Variants in UNC79 observed in about 807,000 individuals in gnomAD.
UNC79 encodes unc-79 subunit of NALCN channel complex.
In UNC79, 37 loss-of-function variants were observed where a neutral mutation model predicts 283.1. That is an observed-to-expected ratio of 0.13 (90% CI 0.10 to 0.17). UNC79 has a LOEUF of 0.17. Among genes scored for constraint, UNC79 ranks in the 10% least tolerant of loss-of-function variants. The pLI is 1.00. For missense variants in UNC79, 2,272 were observed against 3,211.1 expected, an observed-to-expected ratio of 0.71 and a Z score of 7.07; for synonymous variants, 1,107 against 1,200.2, an observed-to-expected ratio of 0.92 and a Z score of 1.61.
chr14:93,677,450 C>T (rs1024478592), intron 41 of UNC79, among the ~76,000 whole-genome samples: 2 of 152,136 alleles, frequency 1.3e-5, no homozygotes, highest in African/African-American at 4.8e-5. Context: ...CAGGGGAACT[C>T]CCATTTATAA....
intron 30 of UNC79, among the ~76,000 whole-genome samples, chr14:93,624,605 G>A (rs1203278050): frequency 1.3e-5 from 2 of 152,144 alleles, no homozygotes; most frequent in Non-Finnish European, 2.9e-5. Flanking sequence ...CAGACTACCA[G>A]GGAGGAAATT....
chr14:93,431,528 G>C (rs1008406345), intron 1 of UNC79, among the ~76,000 whole-genome samples: 2 of 152,056 alleles, frequency 1.3e-5, no homozygotes, highest in African/African-American at 4.8e-5. Context: ...TTCCACTTCG[G>C]GTGGAAGAGG....
At chr14:93,514,031 A>G (rs985431211) in intron 7 of UNC79, among the ~76,000 whole-genome samples, 1 of 152,238 alleles carries the variant, frequency 6.6e-6, no homozygotes, top group Non-Finnish European at 1.5e-5. Flanking sequence ...CTACTTTAGG[A>G]AACTAGAGAA....
Position 93,582,329 on chromosome 14 carries a change from C to T in UNC79, c.2788C>T (p.Pro930Ser), listed in dbSNP as rs1280193819. 4.3e-6 allele frequency: 7 copies of T among 1,613,956 alleles called. No individual in the cohort carries two copies. The South Asian group carries it at 7.7e-5, about 18-fold the overall frequency. ...GGAGAACCCAGGCAACTGCACCGAG[C>T]CCGTGGAACATGCTGGTAGGTGTGC... Residue 930 changes from proline to serine, a missense_variant, in exon 20 of 49, where the codon CCC becomes TCC. Physicochemically the swap from Pro to Ser is moderately conservative, Grantham distance 74. Around this residue, in one of 11 missense-constraint regions of UNC79, gnomAD observed 356 missense variants for 416.2 expected, o/e 0.86. Coordinates refer to ENST00000555664, the Ensembl canonical transcript of UNC79.
intron 1 of UNC79, among the ~76,000 whole-genome samples, chr14:93,361,211 C>CAAAAAA (rs58267219): frequency 4.4e-4 from 24 of 54,340 alleles, no homozygotes; most frequent in East Asian, 2.4e-3. Context: ...GACTCTGTCT[C>CAAAAAA]AAAAAAAAAA....
intron 1 of UNC79, among the ~76,000 whole-genome samples, chr14:93,458,716 TA>T (rs1291668864): frequency 6.6e-6 from 1 of 152,218 alleles, no homozygotes; most frequent in Non-Finnish European, 1.5e-5. Flanking sequence ...GGACTAAAGA[TA>T]ATTGACATTT....
At chr14:93,536,152 C>T (rs2061061863) in intron 11 of UNC79, among the ~76,000 whole-genome samples, 1 of 152,182 alleles carries the variant, frequency 6.6e-6, no homozygotes, top group Non-Finnish European at 1.5e-5. Flanking sequence ...GGTAGGATTA[C>T]TGCAGTAGAG....
Position 93,474,463 on chromosome 14 carries a change from G to A in UNC79, c.448+70G>A. On this transcript the variant is annotated intron_variant, in intron 3 of 48. Coordinates refer to ENST00000555664, the Ensembl canonical transcript of UNC79. The surrounding 1 kb of genome is among the most constrained non-coding windows in gnomAD (Gnocchi z 4.1). ...TGAATGTATATGATGCTGAGCAAGGGGCTTGGAGATGGTCACTGTTGTAAT... is the reference window on the plus strand; with the variant it reads ...TGAATGTATATGATGCTGAGCAAGGAGCTTGGAGATGGTCACTGTTGTAAT... The A allele has an allele frequency of 6.8e-7, 1 of 1,470,958 alleles. No individual in the cohort carries two copies. 91.1% of individuals were successfully genotyped at this position (1,470,958 alleles called of 1,614,324 possible).
intron 14 of UNC79, among the ~76,000 whole-genome samples, chr14:93,546,285 A>G (rs1367400938): frequency 6.6e-6 from 1 of 152,182 alleles, no homozygotes; most frequent in Non-Finnish European, 1.5e-5. Flanking sequence ...TATCATTTAA[A>G]CTATAAGCTA....
intron 40 of UNC79, among the ~76,000 whole-genome samples, chr14:93,671,264 A>G (rs2072820094): frequency 6.6e-6 from 1 of 152,234 alleles, no homozygotes; most frequent in Non-Finnish European, 1.5e-5. Context: ...AGACAAACAT[A>G]TGTAGTTAAA....
At chr14:93,689,650 A>C (rs1336887057) in intron 44 of UNC79, 1 of 155,984 alleles carries the variant, frequency 6.4e-6, no homozygotes, top group African/African-American at 2.4e-5. Flanking sequence ...CACCACGCCC[A>C]GCTAATTTTT....
At chr14:93,445,210 A>G (rs571680665) in intron 1 of UNC79, among the ~76,000 whole-genome samples, 67 of 152,342 alleles carry the variant, frequency 4.4e-4, no homozygotes, top group African/African-American at 1.5e-3. Flanking sequence ...AAATATATGT[A>G]TAATTGAAGG....
intron 1 of UNC79, among the ~76,000 whole-genome samples, chr14:93,399,281 G>A (rs1248105029): frequency 1.3e-5 from 2 of 152,050 alleles, no homozygotes; most frequent in Non-Finnish European, 2.9e-5. Context: ...TTTGGGTGGG[G>A]ACACAGCCAA....
intron 47 of UNC79, among the ~76,000 whole-genome samples, chr14:93,698,541 C>T (rs7150137): frequency 7.0e-6 from 1 of 142,382 alleles, no homozygotes; most frequent in Non-Finnish European, 1.5e-5. Flanking sequence ...ACTGGAGTGC[C>T]GTGGTGCGAT....
intron 1 of UNC79, among the ~76,000 whole-genome samples, chr14:93,449,084 TAAG>T (rs1017637611): frequency 1.3e-5 from 2 of 152,240 alleles, no homozygotes; most frequent in African/African-American, 4.8e-5. Context: ...TGTGTGGCTA[TAAG>T]CAGTCTGTCC....
At chr14:93,635,897 G>A (rs1044668280) in intron 31 of UNC79, among the ~76,000 whole-genome samples, 8 of 152,212 alleles carry the variant, frequency 5.3e-5, no homozygotes, top group African/African-American at 1.9e-4. Context: ...CACCAAAGAG[G>A]ACTGTGCTTT....
chr14:93,349,730 A>G (rs1280556331), intron 1 of UNC79, among the ~76,000 whole-genome samples: 1 of 152,212 alleles, frequency 6.6e-6, no homozygotes, highest in Admixed American at 6.5e-5. Flanking sequence ...ATTATTTTAT[A>G]TCTACCTTCG....
At chr14:93,594,517 A>C (rs1280041308) in intron 23 of UNC79, among the ~76,000 whole-genome samples, 1 of 152,130 alleles carries the variant, frequency 6.6e-6, no homozygotes, top group African/African-American at 2.4e-5. Context: ...TGATCTGCCC[A>C]CCTTGGCCTC....
intron 22 of UNC79, among the ~76,000 whole-genome samples, chr14:93,588,018 G>T (rs951990209): frequency 3.9e-5 from 6 of 152,324 alleles, no homozygotes; most frequent in South Asian, 4.1e-4. Context: ...AGATAGCAGA[G>T]TTGGAAAGAA....
Sources: allele counts gnomAD v4.1 joint callset (sites outside exome capture counted in the v4.1 genomes callset), GRCh38; gene constraint gnomAD v4.1.1; regional missense constraint gnomAD v4.1.1; non-coding constraint Gnocchi (gnomAD v3.1); transcripts MANE v1.5; gene names NCBI Gene and HGNC (gene_info 2026-07-23, HGNC 2026-07-21).